GRK5: variants seen among roughly 807,000 people sequenced by gnomAD.
GRK5 encodes the protein G protein-coupled receptor kinase 5, also known as g protein-coupled receptor kinase GRK5.
GRK5 carries 40 observed loss-of-function variants against 78.4 expected under a neutral mutation model. The observed-to-expected ratio is 0.51, with a 90% CI of 0.40 to 0.66. The LOEUF (loss-of-function observed/expected upper bound fraction) is 0.66, where lower values mean the gene tolerates loss of function less well. Ranked by LOEUF, GRK5 falls within the 30% of genes least tolerant of loss-of-function variation. GRK5 has a pLI of 0.00. For synonymous variants in GRK5, 289 were observed against 296.8 expected, an observed-to-expected ratio of 0.97 and a Z score of 0.27; for missense variants, 598 against 759.9, an observed-to-expected ratio of 0.79 and a Z score of 2.50.
chr10:119,423,120 G>T (rs755962218), intron 4 of GRK5, 46 bp from the exon 5 acceptor site: 1 of 1,346,606 alleles, frequency 7.4e-7, no homozygotes, highest in Admixed American at 1.7e-5. Context: ...CGGCCGCACT[G>T]CTGCTGGCTC....
At chr10:119,218,291 G>A (rs572672490) in intron 1 of GRK5, among the ~76,000 whole-genome samples, 106 of 152,230 alleles carry the variant, frequency 7.0e-4, no homozygotes, top group African/African-American at 2.3e-3. Flanking sequence ...AGAAGGTGTA[G>A]CTCTAAACTT....
Position 119,408,341 on chromosome 10 carries a change from C to CAAAAAAA in GRK5, c.339+11585_339+11591dup, listed in dbSNP as rs67973033. On this transcript the variant is annotated intron_variant, in intron 4 of 15. Transcript: ENST00000392870. The stretch of plus-strand genomic sequence containing the variant: ...TGGGTGACAGAGCAAAACCCTGTCT[C>CAAAAAAA]AAAAAAAAAAAAAAAAAAAAAAGGC... Among the ~76,000 whole-genome samples the CAAAAAAA allele has an allele frequency of 4.5e-3, 218 of 48,178 alleles. 3 individuals carry two copies. The highest frequency in any genetic ancestry group is 5.1e-3 in the Non-Finnish European group (143 of 28,026). The allele number at this position is 48,178 out of a possible 152,430, so 31.6% of individuals were successfully genotyped here.
At chr10:119,347,935 C>T (rs11198891) in intron 2 of GRK5, among the ~76,000 whole-genome samples, 10,319 of 152,232 alleles carry the variant, frequency 0.068, 534 homozygotes, top group East Asian at 0.23. Context: ...CCTTTCTCCT[C>T]CAGTGACCAC....
chr10:119,431,238 TG>T lies in GRK5; in HGVS notation c.598-146del. 1.2e-6 allele frequency: 1 copy of T among 847,274 alleles called. No homozygotes were observed. The highest frequency in any genetic ancestry group is 1.8e-6 in the Non-Finnish European group (1 of 571,206). The allele number at this position is 847,274 out of a possible 1,614,324, so 52.5% of individuals were successfully genotyped here. ...CCCCAGGCCAGGCATCACTGGGTCC[TG>T]GGAGCCTGGAGCACTCATGAAGCCA... On this transcript the variant is annotated intron_variant, in intron 7 of 15. Transcript: ENST00000392870. This position sits in a 1 kb window ranked among gnomAD's most constrained non-coding sequence, Gnocchi z 4.8.
intron 2 of GRK5, chr10:119,333,606 CG>C: frequency 5.4e-6 from 2 of 372,086 alleles, no homozygotes; most frequent in Non-Finnish European, 1.1e-5. Flanking sequence ...GCTGCATAAA[CG>C]TGTGGGCAGG....
chr10:119,304,338 G>A (rs1850237150), intron 1 of GRK5, among the ~76,000 whole-genome samples: 1 of 144,236 alleles, frequency 6.9e-6, no homozygotes, highest in Non-Finnish European at 1.5e-5. Flanking sequence ...TGCCCAGGCT[G>A]GAGTGCAGTG....
Position 119,452,849 on chromosome 10 carries a change from G to C in GRK5, c.1542+41G>C. On this transcript the variant is annotated intron_variant, in intron 14 of 15. Transcript: ENST00000392870. The surrounding 1 kb of genome is among the most constrained non-coding windows in gnomAD (Gnocchi z 4.4). Reference sequence around the variant, plus strand: ...CACTTGCTTTGGTCTGGGTGGGAGGGAGGGACTGACGGGTGGAAGGAGGCG... The same window carrying C: ...CACTTGCTTTGGTCTGGGTGGGAGGCAGGGACTGACGGGTGGAAGGAGGCG... The C allele has an allele frequency of 1.1e-6, 1 of 928,236 alleles. No individual in the cohort carries two copies. The highest frequency in any genetic ancestry group is 1.6e-6 in the Non-Finnish European group (1 of 608,202). 57.5% of individuals were successfully genotyped at this position (928,236 alleles called of 1,614,324 possible). A position where few individuals can be genotyped will look rare whatever the true frequency, so the allele number is the denominator to read the frequency against.
chr10:119,436,635 G>A lies in GRK5; in HGVS notation c.739-16G>A. On this transcript the variant is annotated splice_polypyrimidine_tract_variant and intron_variant, in intron 8 of 15. Transcript: ENST00000392870. Reference sequence around the variant, plus strand: ...ATTGTCACAACCTCCCCATGGCACTGTTCTTGTGCTCCCAGGTCAACCTGG... The same window carrying A: ...ATTGTCACAACCTCCCCATGGCACTATTCTTGTGCTCCCAGGTCAACCTGG... 1.2e-6 allele frequency: 2 copies of A among 1,613,856 alleles called. No homozygotes were observed. The highest frequency in any genetic ancestry group is 1.7e-6 in the Non-Finnish European group (2 of 1,179,848).
At chr10:119,436,518 C>A in intron 8 of GRK5, 133 bp from the exon 9 acceptor site, 1 of 838,216 alleles carries the variant, frequency 1.2e-6, no homozygotes, top group East Asian at 2.7e-5. Context: ...ACCGCAGAGG[C>A]CATCTGGGTG....
At chr10:119,396,540 G>A (rs1030745222) in intron 3 of GRK5, among the ~76,000 whole-genome samples, 155 bp from the exon 4 acceptor site, 20 of 152,222 alleles carry the variant, frequency 1.3e-4, no homozygotes, top group Non-Finnish European at 1.6e-4. Context: ...TCGGGGCTCC[G>A]TGGCCAGGTC....
chr10:119,428,681 C>G (rs1852750907), intron 6 of GRK5, among the ~76,000 whole-genome samples: 1 of 152,182 alleles, frequency 6.6e-6, no homozygotes, highest in African/African-American at 2.4e-5. Flanking sequence ...TTATCTGCAC[C>G]AAACACATGA....
chr10:119,459,649 C>A lies in GRK5; in HGVS notation c.*4582C>A, dbSNP rs1285495577. 1.3e-5 allele frequency: 2 copies of A among 152,244 alleles called. No homozygotes were observed. Among genetic ancestry groups the A allele is most frequent in the Non-Finnish European group, 2.9e-5 (2 of 68,044 alleles). 9.4% of individuals were successfully genotyped at this position (152,244 alleles called of 1,614,324 possible). On this transcript the variant is annotated 3_prime_UTR_variant, in exon 16 of 16. Coordinates refer to ENST00000392870, the MANE Select transcript of GRK5 (RefSeq NM_005308.3). ...GGCTTCTGTTCTCCCGCTGCTGTAA[C>A]TCTGTGTGTTCCGTCTATCGCGTCA...
At chr10:119,413,826 C>T (rs1279273781) in intron 4 of GRK5, among the ~76,000 whole-genome samples, 2 of 152,184 alleles carry the variant, frequency 1.3e-5, no homozygotes, top group Non-Finnish European at 2.9e-5. Context: ...ACTGTTAGGC[C>T]GGCCCGTCCC....
intron 1 of GRK5, among the ~76,000 whole-genome samples, chr10:119,305,253 C>T (rs982552962): frequency 2.6e-5 from 4 of 152,186 alleles, no homozygotes; most frequent in South Asian, 2.1e-4. Flanking sequence ...TTCCTCTCTT[C>T]GCTGACAGAA....
chr10:119,222,788 C>G (rs142379014), intron 1 of GRK5, among the ~76,000 whole-genome samples: 2 of 152,230 alleles, frequency 1.3e-5, no homozygotes, highest in African/African-American at 2.4e-5. Context: ...CTACGGGCTC[C>G]GTGTCCTGTC....
intron 4 of GRK5, among the ~76,000 whole-genome samples, chr10:119,410,219 G>A (rs1322114983): frequency 6.6e-6 from 1 of 152,190 alleles, no homozygotes; most frequent in East Asian, 1.9e-4. Flanking sequence ...AAGGGTCGGG[G>A]TCTGGGTCAG....
At chr10:119,307,299 G>A (rs903410675) in intron 1 of GRK5, among the ~76,000 whole-genome samples, 1 of 152,102 alleles carries the variant, frequency 6.6e-6, no homozygotes, top group African/African-American at 2.4e-5. Flanking sequence ...GCTGAATCAT[G>A]GTCCCCTAAA....
intron 1 of GRK5, among the ~76,000 whole-genome samples, chr10:119,288,080 C>T (rs1381279051): frequency 1.3e-5 from 2 of 152,182 alleles, no homozygotes; most frequent in South Asian, 2.1e-4. Flanking sequence ...GCGGGGAGGC[C>T]GTGGGTGTGC....
In GRK5 at chr10:119,459,586, T is replaced by C. The variant is rs1402415875; in HGVS notation, c.*4519T>C. 1 of 152,232 alleles carries C rather than the reference T, an allele frequency of 6.6e-6. No individual in the cohort carries two copies. Among genetic ancestry groups the C allele is most frequent in the African/African-American group, 2.4e-5 (1 of 41,460 alleles). 9.4% of individuals were successfully genotyped at this position (152,232 alleles called of 1,614,324 possible). ...TCAGGGAGATTTGGACATTAATGAATGGAAACTTCCACAGTGGCGGTCACT... is the reference window on the plus strand; with the variant it reads ...TCAGGGAGATTTGGACATTAATGAACGGAAACTTCCACAGTGGCGGTCACT... On this transcript the variant is annotated 3_prime_UTR_variant, in exon 16 of 16. Coordinates refer to ENST00000392870, the MANE Select transcript of GRK5 (RefSeq NM_005308.3).
Sources: allele counts gnomAD v4.1 joint callset (sites outside exome capture counted in the v4.1 genomes callset), GRCh38; gene constraint gnomAD v4.1.1; non-coding constraint Gnocchi (gnomAD v3.1); transcripts MANE v1.5; gene names NCBI Gene and HGNC (gene_info 2026-07-23, HGNC 2026-07-21).